GALNT9: variants seen among roughly 807,000 people sequenced by gnomAD.
GALNT9 encodes the protein GalNAc transferase 9.
In GALNT9, 47 loss-of-function variants were observed where a neutral mutation model predicts 63.1. That is an observed-to-expected ratio of 0.75 (90% CI 0.59 to 0.95). The LOEUF (loss-of-function observed/expected upper bound fraction) is 0.95. Among genes scored for constraint, GALNT9 ranks in the 40% least tolerant of loss-of-function variants. The pLI is 0.00. For missense variants in GALNT9, 829 were observed against 874.8 expected, an observed-to-expected ratio of 0.95 and a Z score of 0.66; for synonymous variants, 396 against 365.7, an observed-to-expected ratio of 1.08 and a Z score of -0.94.
intron 6 of GALNT9, among the ~76,000 whole-genome samples, chr12:132,206,331 T>C (rs115338858): frequency 0.032 from 4,918 of 152,288 alleles, 254 homozygotes; most frequent in African/African-American, 0.11. Context: ...TTCAAAGCTC[T>C]AGTGCCAGAG....
intron 6 of GALNT9, chr12:132,240,462 G>C (rs2136898256): frequency 4.5e-5 from 17 of 374,194 alleles, no homozygotes; most frequent in Non-Finnish European, 7.3e-5. Flanking sequence ...CCTCAGAACG[G>C]AGCAAGAATA....
At chr12:132,301,585 G>T (rs1555243840) in intron 1 of GALNT9, among the ~76,000 whole-genome samples, 1 of 152,258 alleles carries the variant, frequency 6.6e-6, no homozygotes, top group East Asian at 1.9e-4. Flanking sequence ...TTCACCGCCG[G>T]CACAGCAGGA....
At chr12:132,227,294 A>G (rs1012522287) in intron 6 of GALNT9, among the ~76,000 whole-genome samples, 3 of 152,110 alleles carry the variant, frequency 2.0e-5, no homozygotes, top group Non-Finnish European at 4.4e-5. Flanking sequence ...GCAGCTGTGC[A>G]TGGTGCCGTC....
At chr12:132,304,857 GCACAGAATCGCCCAGA>G (rs1555244433) in intron 1 of GALNT9, among the ~76,000 whole-genome samples, 1 of 45,452 alleles carries the variant, frequency 2.2e-5, no homozygotes, top group Non-Finnish European at 3.8e-5. Flanking sequence ...CCTCACCCGG[GCACAGAATCGCCCAGA>G]CACACCCTCA....
At position 132,240,880 on chromosome 12, in the gene GALNT9, C is replaced by A. The variant is rs1366153111; in HGVS notation, c.1077+7030G>T. On this transcript the variant is annotated intron_variant, in intron 6 of 10. Transcript: ENST00000328957. ...CCCTTCCCAGGGCCGTCCCTATACC[C>A]ATTACACACACACCACACACCCTTC... Among the ~76,000 whole-genome samples, 100 of 145,082 alleles carry A rather than the reference C, an allele frequency of 6.9e-4. 1 individual carries two copies. In the East Asian group the frequency reaches 7.0e-3, roughly 10 times the overall value.
chr12:132,205,903 GAGA>G (rs1186810507), intron 6 of GALNT9: 2 of 152,216 alleles, frequency 1.3e-5, no homozygotes, highest in Non-Finnish European at 2.9e-5. Flanking sequence ...CAGGTTTCGT[GAGA>G]AGGAGGGGGG....
rs1881849562 is a variant in GALNT9 at position 132,312,452 on chromosome 12, A to G, written c.238+16514T>C. On this transcript the variant is annotated intron_variant, in intron 1 of 10. Transcript: ENST00000328957. ...GGGCGGCTGGGAGCAAGGGTGTCCC[A>G]TCACCTTGGTGGCCACCTCTGAGAG... Among the ~76,000 whole-genome samples the G allele has an allele frequency of 2.0e-5, 3 of 152,192 alleles. No homozygotes were observed. In the South Asian group the frequency reaches 6.2e-4, roughly 32 times the overall value.
intron 10 of GALNT9, 143 bp from the exon 11 acceptor site, chr12:132,197,396 C>T (rs1053491662): frequency 2.4e-6 from 3 of 1,240,678 alleles, no homozygotes; most frequent in Non-Finnish European, 1.1e-6. Context: ...CACAGCAGCA[C>T]CCAGGGGGGC....
intron 6 of GALNT9, among the ~76,000 whole-genome samples, chr12:132,241,196 A>T (rs2136900986): frequency 2.6e-5 from 3 of 115,182 alleles, no homozygotes; most frequent in East Asian, 2.8e-4. Flanking sequence ...CCCTATCCCC[A>T]TTACACACAC....
At chr12:132,217,588 T>TCATCCATC (rs57858233) in intron 6 of GALNT9, among the ~76,000 whole-genome samples, 2 of 141,298 alleles carry the variant, frequency 1.4e-5, no homozygotes, top group South Asian at 2.3e-4. Flanking sequence ...CATCCCCCAC[T>TCATCCATC]CATCCATCCA....
intron 2 of GALNT9, among the ~76,000 whole-genome samples, chr12:132,268,136 C>G (rs1373390697): frequency 1.0e-4 from 15 of 143,812 alleles, no homozygotes; most frequent in South Asian, 4.3e-4. Flanking sequence ...CACACTCACG[C>G]TCACACACAC....
chr12:132,296,018 G>A lies in GALNT9; in HGVS notation c.239-9588C>T, dbSNP rs111545322. Among the ~76,000 whole-genome samples, 3 of 133,668 alleles carry A rather than the reference G, an allele frequency of 2.2e-5. No homozygotes were observed. Among genetic ancestry groups the A allele is most frequent in the South Asian group, 2.6e-4 (1 of 3,840 alleles). 87.7% of individuals were successfully genotyped at this position (133,668 alleles called of 152,430 possible). ...GGCCTCCGGAACAGGGAGAGCCTCC[G>A]GAACAGGGAGAGCCTCCAGAACAGG... On this transcript the variant is annotated intron_variant, in intron 1 of 10. Transcript: ENST00000328957. This position sits in a 1 kb window ranked among gnomAD's most constrained non-coding sequence, Gnocchi z 4.2.
At chr12:132,227,713 G>A (rs1476027232) in intron 6 of GALNT9, among the ~76,000 whole-genome samples, 4 of 152,284 alleles carry the variant, frequency 2.6e-5, no homozygotes, top group Non-Finnish European at 5.9e-5. Context: ...AGCCCCAGGG[G>A]TGTAGTCGTA....
chr12:132,256,147 T>A lies in GALNT9; in HGVS notation c.959+1542A>T, dbSNP rs78672140. ...GCCCATTTTGACTGATGGAGACCCC[T>A]GGGTGACCCCATCCTTTTCCAGCAG... On this transcript the variant is annotated intron_variant, in intron 5 of 10. Transcript: ENST00000328957. Among the ~76,000 whole-genome samples, 630 of 152,286 alleles carry A rather than the reference T, an allele frequency of 4.1e-3. 21 individuals carry two copies. In the East Asian group the frequency reaches 0.066, roughly 16 times the overall value.
intron 1 of GALNT9, among the ~76,000 whole-genome samples, chr12:132,324,336 G>A (rs1252115775): frequency 2.0e-5 from 3 of 152,192 alleles, no homozygotes; most frequent in African/African-American, 7.2e-5. Flanking sequence ...CTCCAGCCGC[G>A]CCTTCCGCAC....
chr12:132,211,093 A>G (rs1876940433), intron 6 of GALNT9, among the ~76,000 whole-genome samples: 1 of 152,040 alleles, frequency 6.6e-6, no homozygotes, highest in South Asian at 2.1e-4. Context: ...ACGTCACACA[A>G]CCAACGCTTC....
In GALNT9 at chr12:132,238,016, G is replaced by A. The variant is rs2135528598; in HGVS notation, c.1077+9894C>T. On this transcript the variant is annotated intron_variant, in intron 6 of 10. Coordinates refer to ENST00000328957, the MANE Select transcript of GALNT9 (RefSeq NM_001122636.2). This position sits in a 1 kb window ranked among gnomAD's most constrained non-coding sequence, Gnocchi z 6.5. ...GAAACATCTGTGACCCCAGCAGACG[G>A]GGAGCCAGGCAAGGACTCTGCAGTG... is the stretch of plus-strand genomic sequence containing the variant. Among the ~76,000 whole-genome samples, 1 of 152,352 alleles carries A rather than the reference G, an allele frequency of 6.6e-6. No individual in the cohort carries two copies. The highest frequency in any genetic ancestry group is 2.4e-5 in the African/African-American group (1 of 41,572).
At chr12:132,213,515 T>TC (rs1565988915) in intron 6 of GALNT9, among the ~76,000 whole-genome samples, 15 of 148,188 alleles carry the variant, frequency 1.0e-4, no homozygotes, top group Admixed American at 9.3e-4. Context: ...ACAGGCGCAC[T>TC]CACACACACG....
intron 6 of GALNT9, among the ~76,000 whole-genome samples, chr12:132,226,685 CCAAA>C (rs1282403851): frequency 0.4 from 51,726 of 130,622 alleles, 10,605 homozygotes; most frequent in Middle Eastern, 0.53. Context: ...TACATACACA[CCAAA>C]CACCCACCCC....
Sources: allele counts gnomAD v4.1 joint callset (sites outside exome capture counted in the v4.1 genomes callset), GRCh38; gene constraint gnomAD v4.1.1; non-coding constraint Gnocchi (gnomAD v3.1); transcripts MANE v1.5; gene names NCBI Gene and HGNC (gene_info 2026-07-23, HGNC 2026-07-21).